The following ANKRD31 variants were observed in gnomAD, a reference collection of about 807,000 sequenced individuals.
The protein encoded by ANKRD31 is ankyrin repeat domain 31.
A neutral mutation model predicts 186.0 loss-of-function variants in ANKRD31; 147 were observed. The observed-to-expected ratio is 0.79, with a 90% CI of 0.69 to 0.91. ANKRD31 has a LOEUF of 0.91. Ranked by LOEUF, ANKRD31 falls within the 40% of genes least tolerant of loss-of-function variation. The probability of loss-of-function intolerance (pLI) is 0.00; values close to 1 mark genes in which losing one functional copy is unlikely to be tolerated. For synonymous variants in ANKRD31, 673 were observed against 736.4 expected, an observed-to-expected ratio of 0.91 and a Z score of 1.39; for missense variants, 1,986 against 2,148.8, an observed-to-expected ratio of 0.92 and a Z score of 1.50.
chr5:75,146,786 G>A lies in ANKRD31; in HGVS notation c.2625C>T (p.Asn875=). Residue 875 remains asparagine (N), a synonymous_variant, in exon 14 of 26, where the codon AAC becomes AAT. Transcript: ENST00000506364. Reference sequence around the variant, plus strand: ...TAAATCTCTCATCTTTTGGGACCAAGTTACTGTTTTCATGAGATTTATAAA... The same window carrying A: ...TAAATCTCTCATCTTTTGGGACCAAATTACTGTTTTCATGAGATTTATAAA... ...HVLYKSHENS[N]LVPKDERFNK... 1 of 1,536,182 alleles carries A rather than the reference G, an allele frequency of 6.5e-7. No homozygotes were observed. Among genetic ancestry groups the A allele is most frequent in the Non-Finnish European group, 8.7e-7 (1 of 1,146,276 alleles).
intron 19 of ANKRD31, among the ~76,000 whole-genome samples, chr5:75,113,705 A>C (rs947274028): frequency 1.3e-5 from 2 of 152,246 alleles, no homozygotes; most frequent in Admixed American, 6.5e-5. Flanking sequence ...TTAAAAGTAC[A>C]TAATAAAATA....
rs1751510146 is a variant in ANKRD31, at chr5:75,147,204, T to C, written c.2207A>G (p.Lys736Arg). 1 of 1,536,284 alleles carries C rather than the reference T, an allele frequency of 6.5e-7. No homozygotes were observed. The highest frequency in any genetic ancestry group is 2.4e-5 in the East Asian group (1 of 40,884). Residue 736 changes from lysine to arginine, a missense_variant, in exon 14 of 26, where the codon AAA becomes AGA. By Grantham distance (26) the Lys-to-Arg change is conservative. Transcript: ENST00000506364. ...KGIGRRKTQH[K>R]RTQVDDVDCN... is the part of the protein sequence containing the mutation. ...GTCTACATCATCTACTTGGGTCCTT[T>C]TATGTTGTGTTTTTCTTCTTCCTAT... is the stretch of plus-strand genomic sequence containing the variant.
chr5:75,090,729 G>A (rs539131611), intron 23 of ANKRD31, among the ~76,000 whole-genome samples: 14 of 152,282 alleles, frequency 9.2e-5, no homozygotes, highest in Admixed American at 2.0e-4. Context: ...AGTCTAGGAG[G>A]TCTAAATGAA....
intron 9 of ANKRD31, among the ~76,000 whole-genome samples, chr5:75,189,961 T>C (rs971683214): frequency 2.6e-5 from 4 of 152,138 alleles, no homozygotes; most frequent in African/African-American, 9.7e-5. Context: ...AGTCATGATG[T>C]ATTATATAAT....
intron 10 of ANKRD31, among the ~76,000 whole-genome samples, chr5:75,178,049 C>T (rs966460592): frequency 6.6e-6 from 1 of 151,898 alleles, no homozygotes. Flanking sequence ...ATCTACCAAG[C>T]AAATGGAAGA....
Position 75,148,653 on chromosome 5 carries a change from T to A in ANKRD31, c.1853-25A>T, listed in dbSNP as rs1333565588. 3 of 1,505,778 alleles carry A rather than the reference T, an allele frequency of 2.0e-6. No homozygotes were observed. In the East Asian group the frequency reaches 7.5e-5, roughly 38 times the overall value. The allele number at this position is 1,505,778 out of a possible 1,614,324, so 93.3% of individuals were successfully genotyped here. A position where few individuals can be genotyped will look rare whatever the true frequency, so the allele number is the denominator to read the frequency against. On this transcript the variant is annotated intron_variant, in intron 12 of 25. Transcript: ENST00000506364. ...GCTGTAAACAAAAAGAGAAAATCAA[T>A]GAAAACAGCTTCTAGTGTTTAGACT...
chr5:75,145,869 C>G (rs959689573), intron 14 of ANKRD31, 118 bp downstream of exon 14: 4 of 897,578 alleles, frequency 4.5e-6, no homozygotes, highest in Non-Finnish European at 6.3e-6. Context: ...AAAATATGGC[C>G]CACATGTCCT....
At chr5:75,176,856 A>T (rs1040787501) in intron 10 of ANKRD31, among the ~76,000 whole-genome samples, 1 of 152,256 alleles carries the variant, frequency 6.6e-6, no homozygotes, top group Non-Finnish European at 1.5e-5. Context: ...GCAGCTCCTC[A>T]CCAGCAATGG....
At chr5:75,178,007 C>T (rs1472670089) in intron 10 of ANKRD31, among the ~76,000 whole-genome samples, 1 of 152,032 alleles carries the variant, frequency 6.6e-6, no homozygotes, top group Non-Finnish European at 1.5e-5. Context: ...TGCAGAGACA[C>T]ACATAGGCTC....
intron 10 of ANKRD31, among the ~76,000 whole-genome samples, chr5:75,180,548 G>A (rs140535318): frequency 0.1 from 15,694 of 152,096 alleles, 826 homozygotes; most frequent in East Asian, 0.14. Flanking sequence ...ATAGACAAAT[G>A]GAACAGAACA....
At chr5:75,132,215 T>C (rs1580388286) in intron 17 of ANKRD31, among the ~76,000 whole-genome samples, 1 of 152,040 alleles carries the variant, frequency 6.6e-6, no homozygotes, top group South Asian at 2.1e-4. Context: ...AGAACAAACT[T>C]CTCTGAGCTA....
intron 7 of ANKRD31, among the ~76,000 whole-genome samples, chr5:75,195,074 T>C (rs1755374530): frequency 6.6e-6 from 1 of 152,192 alleles, no homozygotes; most frequent in Admixed American, 6.6e-5. Flanking sequence ...GGCATAATAC[T>C]ACAAGAATTC....
At chr5:75,132,344 C>T (rs1008849257) in intron 17 of ANKRD31, among the ~76,000 whole-genome samples, 9 of 152,104 alleles carry the variant, frequency 5.9e-5, no homozygotes, top group Non-Finnish European at 1.3e-4. Flanking sequence ...GAGCTGAAAA[C>T]CATGGCACGA....
intron 5 of ANKRD31, among the ~76,000 whole-genome samples, chr5:75,203,207 G>C (rs1755926591): frequency 6.6e-6 from 1 of 152,182 alleles, no homozygotes; most frequent in African/African-American, 2.4e-5. Flanking sequence ...GGCATAACAA[G>C]GCATTAATGG....
chr5:75,188,157 T>G (rs1299559128), intron 10 of ANKRD31, among the ~76,000 whole-genome samples: 1 of 152,150 alleles, frequency 6.6e-6, no homozygotes. Context: ...CTTCTTCCAG[T>G]GTTTGACATC....
At chr5:75,084,655 T>C (rs1420209121) in intron 23 of ANKRD31, among the ~76,000 whole-genome samples, 1 of 152,240 alleles carries the variant, frequency 6.6e-6, no homozygotes, top group Non-Finnish European at 1.5e-5. Context: ...AAATATTTAC[T>C]ATGTGACCTT....
At chr5:75,227,453 T>C (rs1757698044) in intron 2 of ANKRD31, among the ~76,000 whole-genome samples, 1 of 152,134 alleles carries the variant, frequency 6.6e-6, no homozygotes, top group Non-Finnish European at 1.5e-5. Flanking sequence ...AAAGGATAAA[T>C]GCTTAAAGTG....
At position 75,146,318 on chromosome 5, in the gene ANKRD31, G is replaced by A; in HGVS notation, c.3093C>T (p.Phe1031=). The A allele has an allele frequency of 6.5e-7, 1 of 1,536,450 alleles. No individual in the cohort carries two copies. Among genetic ancestry groups the A allele is most frequent in the Non-Finnish European group, 8.7e-7 (1 of 1,146,458 alleles). ...ASKLTNHVEL[F]KKPQDYIPRA... is the part of the protein sequence containing the mutation. ...TGGGAATATAATCCTGTGGCTTTTT[G>A]AATAGCTCCACATGATTAGTCAACT... The change falls in exon 14 of 26, where the codon TTC becomes TTT. Residue 1031 remains phenylalanine (F), a synonymous_variant. Coordinates refer to ENST00000506364, the MANE Select transcript of ANKRD31 (RefSeq NM_001372053.1).
chr5:75,108,211 A>G (rs1747489631), intron 20 of ANKRD31, among the ~76,000 whole-genome samples: 1 of 151,890 alleles, frequency 6.6e-6, no homozygotes, highest in Non-Finnish European at 1.5e-5. Context: ...AAAAAATAGA[A>G]TTTTTTAATT....
Sources: gnomAD v4.1 joint callset for allele counts (sites outside exome capture counted in the v4.1 genomes callset) on GRCh38, gnomAD v4.1.1 for gene constraint, MANE v1.5 for transcripts, NCBI Gene and HGNC (gene_info 2026-07-23, HGNC 2026-07-21) for gene names.